PKNOX2: variants seen among roughly 807,000 people sequenced by gnomAD.
The protein encoded by PKNOX2 is PBX/knotted 1 homeobox 2, also known as homeobox protein PKNOX2.
PKNOX2 carries 14 observed loss-of-function variants against 53.1 expected under a neutral mutation model. The ratio of observed to expected loss-of-function variants is 0.26; its 90% CI spans 0.17 to 0.41. The LOEUF (loss-of-function observed/expected upper bound fraction) is 0.41. Ranked by LOEUF, PKNOX2 falls within the 10% of genes least tolerant of loss-of-function variation. PKNOX2 has a pLI of 1.00. For missense variants in PKNOX2, 496 were observed against 602.8 expected (o/e 0.82, Z 1.85); for synonymous variants, 257 against 242.8 (o/e 1.06, Z -0.54).
chr11:125,298,163 C>T (rs1302543706), intron 2 of PKNOX2, among the ~76,000 whole-genome samples: 2 of 152,080 alleles, frequency 1.3e-5, no homozygotes, highest in African/African-American at 2.4e-5. Flanking sequence ...CAGAAGGTGG[C>T]GTTAAGGAAA....
chr11:125,343,813 C>G (rs544584467), intron 3 of PKNOX2, among the ~76,000 whole-genome samples: 1 of 151,896 alleles, frequency 6.6e-6, no homozygotes, highest in Non-Finnish European at 1.5e-5. Context: ...GGGTGTTGCT[C>G]GTCTGACTCT....
chr11:125,265,241 C>T (rs902787359), intron 2 of PKNOX2, among the ~76,000 whole-genome samples: 3 of 151,454 alleles, frequency 2.0e-5, no homozygotes, highest in Admixed American at 6.6e-5. Flanking sequence ...GGGCCGAGAT[C>T]GCACCATTGT....
chr11:125,411,208 A>C (rs983796192), intron 9 of PKNOX2: 4 of 314,774 alleles, frequency 1.3e-5, no homozygotes, highest in African/African-American at 8.5e-5. Flanking sequence ...GGGATCTGAC[A>C]TTAACTCTGG....
At chr11:125,345,478 G>A (rs780088771) in intron 3 of PKNOX2, among the ~76,000 whole-genome samples, 7 of 152,056 alleles carry the variant, frequency 4.6e-5, no homozygotes, top group Admixed American at 1.3e-4. Flanking sequence ...CAGACACCCC[G>A]CCTCCAGCTT....
intron 5 of PKNOX2, among the ~76,000 whole-genome samples, chr11:125,381,622 T>C (rs1953233220): frequency 6.6e-6 from 1 of 151,992 alleles, no homozygotes; most frequent in Non-Finnish European, 1.5e-5. Context: ...AGGAGGTGCA[T>C]GTTCCCTGCT....
At position 125,333,019 on chromosome 11, in the gene PKNOX2, T is replaced by C. The variant is rs1006722761; in HGVS notation, c.-23+1094T>C. On this transcript the variant is annotated intron_variant, in intron 3 of 12. Coordinates refer to ENST00000298282, the MANE Select transcript of PKNOX2 (RefSeq NM_001382323.2). ...GTGGAAGCTGAGGGCAAGGTATCTA[T>C]GCAGGTCAAGTCTTCGCTGAGTGTG... Among the ~76,000 whole-genome samples the C allele has an allele frequency of 3.3e-5, 5 of 152,188 alleles. No individual in the cohort carries two copies. In the East Asian group the frequency reaches 9.6e-4, roughly 29 times the overall value.
At chr11:125,332,421 T>C (rs1364732713) in intron 3 of PKNOX2, among the ~76,000 whole-genome samples, 1 of 152,208 alleles carries the variant, frequency 6.6e-6, no homozygotes, top group Non-Finnish European at 1.5e-5. Context: ...GCATTCCAGG[T>C]GTTTCTGATG....
At chr11:125,300,711 C>A (rs1036508934) in intron 2 of PKNOX2, among the ~76,000 whole-genome samples, 1 of 152,002 alleles carries the variant, frequency 6.6e-6, no homozygotes, top group Non-Finnish European at 1.5e-5. Flanking sequence ...GTTGAAAATA[C>A]CTGCTTCTGA....
intron 9 of PKNOX2, 30 bp from the exon 10 acceptor site, chr11:125,411,716 A>T (rs1254221742): frequency 1.2e-6 from 2 of 1,613,746 alleles, no homozygotes; most frequent in South Asian, 1.1e-5. Context: ...CAGGCTGCTG[A>T]TGCTGATTTT....
At chr11:125,201,604 A>C (rs1217316298) in intron 1 of PKNOX2, among the ~76,000 whole-genome samples, 2 of 152,204 alleles carry the variant, frequency 1.3e-5, no homozygotes, top group Non-Finnish European at 2.9e-5. Context: ...TGCGGCTGCC[A>C]AGCTAAGGAG....
chr11:125,340,734 T>C (rs1407881454), intron 3 of PKNOX2, among the ~76,000 whole-genome samples: 1 of 152,186 alleles, frequency 6.6e-6, no homozygotes, highest in East Asian at 1.9e-4. Context: ...GTTATGCTTC[T>C]TGGATTGGCT....
chr11:125,423,866 A>G (rs1428227480), intron 10 of PKNOX2, among the ~76,000 whole-genome samples: 1 of 152,154 alleles, frequency 6.6e-6, no homozygotes, highest in Non-Finnish European at 1.5e-5. Context: ...GGGAAAGAGA[A>G]TAGTTTTGAG....
intron 1 of PKNOX2, among the ~76,000 whole-genome samples, chr11:125,234,809 A>G (rs1942527641): frequency 6.6e-6 from 1 of 152,212 alleles, no homozygotes; most frequent in African/African-American, 2.4e-5. Context: ...GGCATCAAGC[A>G]GGTAGAGGAG....
intron 2 of PKNOX2, among the ~76,000 whole-genome samples, chr11:125,283,481 C>A (rs1011582533): frequency 6.6e-6 from 1 of 152,168 alleles, no homozygotes; most frequent in Non-Finnish European, 1.5e-5. Context: ...CTGGAAGAGG[C>A]AGAAATAATT....
intron 1 of PKNOX2, among the ~76,000 whole-genome samples, chr11:125,189,149 G>T (rs1203466632): frequency 6.6e-6 from 1 of 151,312 alleles, no homozygotes; most frequent in Non-Finnish European, 1.5e-5. Flanking sequence ...CAGGAAGAGG[G>T]GTATAGGTGA....
At chr11:125,222,981 C>T (rs183731759) in intron 1 of PKNOX2, among the ~76,000 whole-genome samples, 4 of 152,144 alleles carry the variant, frequency 2.6e-5, no homozygotes, top group Admixed American at 6.5e-5. Context: ...AGGAAGAGCC[C>T]GGCAGCCTGG....
At chr11:125,375,661 G>T (rs142176767) in intron 5 of PKNOX2, among the ~76,000 whole-genome samples, 1 of 152,130 alleles carries the variant, frequency 6.6e-6, no homozygotes, top group South Asian at 2.1e-4. Flanking sequence ...AGTGTGTGTG[G>T]GTGTGTGTTT....
intron 3 of PKNOX2, among the ~76,000 whole-genome samples, chr11:125,338,753 T>A (rs1267779514): frequency 6.6e-6 from 1 of 152,224 alleles, no homozygotes; most frequent in African/African-American, 2.4e-5. Context: ...AAAATTGCCT[T>A]CTTCTCCTCC....
chr11:125,295,013 G>A (rs1225914668), intron 2 of PKNOX2, among the ~76,000 whole-genome samples: 4 of 152,192 alleles, frequency 2.6e-5, no homozygotes, highest in South Asian at 2.1e-4. Flanking sequence ...TCAGGGTCAC[G>A]CTTTAGCCGG....
Sources: gnomAD v4.1 joint callset for allele counts (sites outside exome capture counted in the v4.1 genomes callset) on GRCh38, gnomAD v4.1.1 for gene constraint, MANE v1.5 for transcripts, NCBI Gene and HGNC (gene_info 2026-07-23, HGNC 2026-07-21) for gene names.